Variants in UNC79 observed in about 807,000 individuals in gnomAD.
UNC79 encodes the protein unc-79 subunit of NALCN channel complex, also known as protein unc-79 homolog.
In UNC79, 37 loss-of-function variants were observed where a neutral mutation model predicts 283.1. The observed-to-expected ratio is 0.13, with a 90% CI of 0.10 to 0.17. The LOEUF (loss-of-function observed/expected upper bound fraction) is 0.17, where lower values mean the gene tolerates loss of function less well. Ranked by LOEUF, UNC79 falls within the 10% of genes least tolerant of loss-of-function variation. UNC79 has a pLI of 1.00. For synonymous variants in UNC79, 1,107 were observed against 1,200.2 expected (o/e 0.92, Z 1.61); for missense variants, 2,272 against 3,211.1 (o/e 0.71, Z 7.07).
chr14:93,397,438 A>G (rs8013511), intron 1 of UNC79, among the ~76,000 whole-genome samples: 2,655 of 152,336 alleles, frequency 0.017, 40 homozygotes, highest in South Asian at 0.074. Context: ...AGAAACCCCA[A>G]CTTGATCCTG....
At chr14:93,465,912 G>A (rs11160119) in intron 1 of UNC79, among the ~76,000 whole-genome samples, 58,397 of 151,906 alleles carry the variant, frequency 0.38, 11,502 homozygotes, top group East Asian at 0.65. Context: ...CATATATCTC[G>A]GATATTTGGA....
At chr14:93,563,570 G>C (rs543653984) in intron 14 of UNC79, among the ~76,000 whole-genome samples, 13 of 152,254 alleles carry the variant, frequency 8.5e-5, no homozygotes, top group East Asian at 1.9e-4. Context: ...GTGCAGCGGG[G>C]GCAGAGCAGT....
chr14:93,518,089 C>G (rs565263945), intron 7 of UNC79, among the ~76,000 whole-genome samples: 4 of 151,966 alleles, frequency 2.6e-5, no homozygotes, highest in African/African-American at 7.2e-5. Context: ...TCATCTGGTT[C>G]CATTTACAGA....
intron 1 of UNC79, among the ~76,000 whole-genome samples, chr14:93,383,737 T>C (rs2054711027): frequency 6.6e-6 from 1 of 152,070 alleles, no homozygotes; most frequent in African/African-American, 2.4e-5. Flanking sequence ...CACACCTGTG[T>C]CCCCACCGAA....
intron 31 of UNC79, 41 bp downstream of exon 34, chr14:93,634,678 G>C (rs2068357846): frequency 6.6e-7 from 1 of 1,512,374 alleles, no homozygotes; most frequent in African/African-American, 1.4e-5. Context: ...TCTCGGATTA[G>C]TGAATGCTAC....
chr14:93,430,307 G>C (rs1566929697), upstream of UNC79: 1 of 152,758 alleles, frequency 6.5e-6, no homozygotes, highest in East Asian at 1.9e-4. This position sits in a 1 kb window ranked among gnomAD's most constrained non-coding sequence, Gnocchi z 4.6. Flanking sequence ...ATCAGCAGGA[G>C]AGCCCATCGC....
intron 1 of UNC79, among the ~76,000 whole-genome samples, chr14:93,443,299 C>T (rs1428694448): frequency 6.6e-6 from 1 of 152,022 alleles, no homozygotes; most frequent in Non-Finnish European, 1.5e-5. Flanking sequence ...GTCCTTTGCT[C>T]TTGATCCCTT....
intron 1 of UNC79, among the ~76,000 whole-genome samples, chr14:93,398,305 G>A (rs961040813): frequency 1.3e-5 from 2 of 152,144 alleles, no homozygotes; most frequent in African/African-American, 4.8e-5. Flanking sequence ...GTGACTAGGA[G>A]GATAATAAGC....
chr14:93,703,233 C>T (rs990680675), intron 47 of UNC79, among the ~76,000 whole-genome samples: 1 of 152,166 alleles, frequency 6.6e-6, no homozygotes, highest in Non-Finnish European at 1.5e-5. Context: ...TTCTGGCTTC[C>T]CAGGACTACC....
intron 47 of UNC79, among the ~76,000 whole-genome samples, chr14:93,703,714 C>A (rs780623319): frequency 2.0e-5 from 3 of 152,006 alleles, no homozygotes; most frequent in Non-Finnish European, 4.4e-5. Flanking sequence ...GAATATGGAG[C>A]GAAATGATAT....
At chr14:93,527,020 TTTTTG>T (rs1234862943) in intron 8 of UNC79, among the ~76,000 whole-genome samples, 1 of 152,234 alleles carries the variant, frequency 6.6e-6, no homozygotes, top group African/African-American at 2.4e-5. Flanking sequence ...ATATTATCCA[TTTTTG>T]TTTTAATAGG....
chr14:93,659,596 A>G (rs535090181), intron 39 of UNC79, among the ~76,000 whole-genome samples: 9 of 152,150 alleles, frequency 5.9e-5, no homozygotes, highest in Admixed American at 1.3e-4. Context: ...TGTCAGGATG[A>G]TGTCCAGATT....
At chr14:93,468,013 T>A (rs979597517) in intron 2 of UNC79, among the ~76,000 whole-genome samples, 2 of 152,098 alleles carry the variant, frequency 1.3e-5, no homozygotes, top group African/African-American at 2.4e-5. Flanking sequence ...CTTTCCCGCA[T>A]TGAACATCTT....
intron 20 of UNC79, among the ~76,000 whole-genome samples, chr14:93,584,415 A>G (rs1335985106): frequency 2.0e-5 from 3 of 152,178 alleles, no homozygotes; most frequent in Non-Finnish European, 4.4e-5. Context: ...GAAACAACTA[A>G]TTAGTGGCAG....
chr14:93,657,506 C>G (rs1464851562), intron 38 of UNC79, among the ~76,000 whole-genome samples: 1 of 116,896 alleles, frequency 8.6e-6, no homozygotes, highest in Non-Finnish European at 1.8e-5. Context: ...CGCCCACCAC[C>G]ATGCCCAGCT....
At chr14:93,609,327 C>G (rs913709589) in intron 26 of UNC79, among the ~76,000 whole-genome samples, 1 of 152,180 alleles carries the variant, frequency 6.6e-6, no homozygotes, top group African/African-American at 2.4e-5. Context: ...AGAACGTTGA[C>G]CATTTCGGGT....
intron 14 of UNC79, among the ~76,000 whole-genome samples, chr14:93,548,065 G>A (rs2061690962): frequency 1.3e-5 from 2 of 152,100 alleles, no homozygotes; most frequent in South Asian, 4.1e-4. Flanking sequence ...AAGACACAGA[G>A]TCTTTGTTTC....
Position 93,594,703 on chromosome 14 carries a change from G to A in UNC79, c.3190+866G>A, listed in dbSNP as rs78476407. ...TAGAACAGCAGGTTCTCAGAGTAAT[G>A]TGGTAAGGAAGGAACCTGGGAGGGT... On this transcript the variant is annotated intron_variant, in intron 23 of 48. Coordinates refer to ENST00000555664, the Ensembl canonical transcript of UNC79. 9.4e-3 allele frequency among the ~76,000 whole-genome samples: 1,424 copies of A among 152,238 alleles called. 27 individuals are homozygous for A. Among genetic ancestry groups the A allele is most frequent in the African/African-American group, 0.033 (1,353 of 41,528 alleles).
At chr14:93,585,869 A>G (rs1034530768) in intron 20 of UNC79, among the ~76,000 whole-genome samples, 1 of 144,992 alleles carries the variant, frequency 6.9e-6, no homozygotes, top group Non-Finnish European at 1.5e-5. Context: ...CAAATTGAAC[A>G]CCTCTCTCTC....
Sources: gnomAD v4.1 joint callset for allele counts (sites outside exome capture counted in the v4.1 genomes callset) on GRCh38, gnomAD v4.1.1 for gene constraint, Gnocchi (gnomAD v3.1) non-coding constraint, MANE v1.5 for transcripts, NCBI Gene and HGNC (gene_info 2026-07-23, HGNC 2026-07-21) for gene names.